PEPD: variants seen among roughly 807,000 people sequenced by gnomAD.
PEPD encodes the protein xaa-Pro dipeptidase.
A neutral mutation model predicts 60.7 loss-of-function variants in PEPD; 53 were observed. That is an observed-to-expected ratio of 0.87 (90% CI 0.70 to 1.10). The LOEUF is 1.10. PEPD is among the 50% of genes least tolerant of loss of function. The pLI, the probability that PEPD is intolerant of heterozygous loss-of-function variation, is 0.00. For synonymous variants in PEPD, 267 were observed against 284.1 expected (o/e 0.94, Z 0.60); for missense variants, 711 against 711.9 (o/e 1.00, Z 0.01).
intron 3 of PEPD, among the ~76,000 whole-genome samples, chr19:33,509,844 G>A (rs563148805): frequency 2.6e-5 from 4 of 152,354 alleles, no homozygotes; most frequent in South Asian, 2.1e-4. Flanking sequence ...GCTCCTCGGC[G>A]GTGGGGAGTA....
chr19:33,420,165 G>A (rs778216657), intron 9 of PEPD, among the ~76,000 whole-genome samples: 1 of 151,710 alleles, frequency 6.6e-6, no homozygotes, highest in East Asian at 1.9e-4. Flanking sequence ...GGAGTTCCTC[G>A]GATCAGTTAC....
chr19:33,398,906 T>C (rs1366841113), intron 12 of PEPD, among the ~76,000 whole-genome samples: 1 of 152,192 alleles, frequency 6.6e-6, no homozygotes, highest in African/African-American at 2.4e-5. Context: ...CCGCTGGCCA[T>C]ACCCTCTGGC....
intron 7 of PEPD, among the ~76,000 whole-genome samples, chr19:33,469,496 C>G: frequency 6.6e-6 from 1 of 152,170 alleles, no homozygotes; most frequent in East Asian, 1.9e-4. Context: ...CTTCTTGGAG[C>G]GCGCAGCAGC....
chr19:33,450,657 C>T (rs186183619), intron 9 of PEPD, among the ~76,000 whole-genome samples: 194 of 152,192 alleles, frequency 1.3e-3, no homozygotes, highest in Non-Finnish European at 1.9e-3. Flanking sequence ...ACAGTGCTCA[C>T]TAAATAACCG....
intron 9 of PEPD, among the ~76,000 whole-genome samples, chr19:33,442,994 G>T (rs548856113): frequency 6.6e-6 from 1 of 152,134 alleles, no homozygotes; most frequent in African/African-American, 2.4e-5. Flanking sequence ...CACACAGTAG[G>T]TGCATCATAA....
rs754202710 is a variant in PEPD at position 33,500,998 on chromosome 19, G to T, written c.333C>A (p.Ile111=). 5.0e-6 allele frequency: 8 copies of T among 1,586,696 alleles called. No individual in the cohort carries two copies. The highest frequency in any genetic ancestry group is 6.1e-6 in the Non-Finnish European group (7 of 1,155,172). The change falls in exon 4 of 15, where the codon ATC becomes ATA. Residue 111 remains isoleucine, a synonymous_variant. Transcript: ENST00000244137. ...TCTCCTTGAAGTGCTCCTTGGAATG[G>T]ATCCTCAAAGAAAAGCACAAGGAAT... is the stretch of plus-strand genomic sequence containing the variant. The part of the protein sequence containing the change: ...PASHATWMGK[I]HSKEHFKEKY...
At chr19:33,408,395 CGA>C (rs1555754217) in intron 11 of PEPD, among the ~76,000 whole-genome samples, 1 of 152,252 alleles carries the variant, frequency 6.6e-6, no homozygotes, top group Non-Finnish European at 1.5e-5. Flanking sequence ...GTGGCCACTG[CGA>C]GAGAGGGAGG....
intron 6 of PEPD, among the ~76,000 whole-genome samples, chr19:33,485,720 A>G (rs1472028097): frequency 6.6e-6 from 1 of 152,216 alleles, no homozygotes; most frequent in Non-Finnish European, 1.5e-5. Context: ...GCTTGCTTAA[A>G]TGGAATCAAT....
chr19:33,463,143 A>G (rs1969960571), intron 8 of PEPD, 102 bp from the exon 9 acceptor site: 1 of 803,974 alleles, frequency 1.2e-6, no homozygotes, highest in East Asian at 2.4e-5. Flanking sequence ...TCTTCTTTAA[A>G]AAGGAAAAAA....
In PEPD at chr19:33,505,824, T is replaced by C. The variant is rs904247678; in HGVS notation, c.330-4823A>G. ...CCCTCATCACAAACACCCTACACACTACACACACCCACACACAACACAGCA... is the reference window on the plus strand; with the variant it reads ...CCCTCATCACAAACACCCTACACACCACACACACCCACACACAACACAGCA... On this transcript the variant is annotated intron_variant, in intron 3 of 14. Coordinates refer to ENST00000244137, the MANE Select transcript of PEPD (RefSeq NM_000285.4). 2.0e-3 allele frequency among the ~76,000 whole-genome samples: 157 copies of C among 79,556 alleles called. 1 individual carries two copies. Among genetic ancestry groups the C allele is most frequent in the South Asian group, 2.6e-3 (5 of 1,910 alleles). 52.2% of individuals were successfully genotyped at this position (79,556 alleles called of 152,430 possible).
intron 7 of PEPD, among the ~76,000 whole-genome samples, chr19:33,469,766 G>T (rs1970089212): frequency 6.6e-6 from 1 of 151,980 alleles, no homozygotes; most frequent in Non-Finnish European, 1.5e-5. Flanking sequence ...TGCCTGCCAG[G>T]CCCTAACCGT....
Position 33,387,944 on chromosome 19 carries a change from G to C in PEPD, c.1290C>G (p.Ala430=), listed in dbSNP as rs1968116750. 1.3e-6 allele frequency: 2 copies of C among 1,597,552 alleles called. No individual in the cohort carries two copies. Among genetic ancestry groups the C allele is most frequent in the Admixed American group, 1.7e-5 (1 of 57,734 alleles). Residue 430 remains alanine, a synonymous_variant, in exon 14 of 15, where the codon GCC becomes GCG. Transcript: ENST00000244137. ...CCTCGCGGTTAAGGAAGGAGGCGCG[G>C]GCCGGGTCCGCCAGGGCCTCATCCA... The part of the protein sequence containing the change: ...HLLDEALADP[A]RASFLNREVL...
chr19:33,422,963 ACT>A (rs760096120), intron 9 of PEPD, among the ~76,000 whole-genome samples: 2 of 151,328 alleles, frequency 1.3e-5, no homozygotes, highest in African/African-American at 2.4e-5. Flanking sequence ...CTCATCCAAT[ACT>A]CTGTCAATTA....
intron 9 of PEPD, among the ~76,000 whole-genome samples, chr19:33,435,181 G>A (rs569094772): frequency 2.2e-4 from 33 of 152,294 alleles, no homozygotes; most frequent in South Asian, 1.0e-3. Flanking sequence ...GCGGCTGCCC[G>A]AAAGCCACCA....
In PEPD at chr19:33,391,318, G is replaced by T. The variant is rs759492742; in HGVS notation, c.1129C>A (p.His377Asn). ...GLGHFLGIDVHDVGGYPEGVE... is the reference protein window; with the variant it reads ...GLGHFLGIDVNDVGGYPEGVE... ...ACCTCTGGGTAGCCTCCCACGTCGT[G>T]CACGTCAATGCCCAGGAAGTGGCCA... The change falls in exon 13 of 15, where the codon CAC becomes AAC. Residue 377 changes from histidine to asparagine, a missense_variant. His to Asn is a moderately conservative substitution (Grantham distance 68). Coordinates refer to ENST00000244137, the MANE Select transcript of PEPD (RefSeq NM_000285.4). The T allele has an allele frequency of 1.2e-6, 2 of 1,611,826 alleles. No homozygotes were observed. The highest frequency in any genetic ancestry group is 1.1e-5 in the South Asian group (1 of 90,760).
intron 7 of PEPD, chr19:33,477,380 G>A (rs1970235701): frequency 6.3e-6 from 1 of 159,334 alleles, no homozygotes; most frequent in Non-Finnish European, 1.4e-5. Context: ...AAGTGATGAT[G>A]TGGCAAAGGC....
chr19:33,432,926 C>T (rs1028297336), intron 9 of PEPD, among the ~76,000 whole-genome samples: 2 of 152,244 alleles, frequency 1.3e-5, no homozygotes, highest in South Asian at 2.1e-4. Context: ...AGAGGCACCT[C>T]GGCCTCCTCG....
chr19:33,442,980 C>G (rs1215641962), intron 9 of PEPD, among the ~76,000 whole-genome samples: 1 of 152,210 alleles, frequency 6.6e-6, no homozygotes, highest in Non-Finnish European at 1.5e-5. Context: ...AGAACAGCAT[C>G]TGGCACACAG....
At chr19:33,490,896 C>G (rs766543456) in intron 5 of PEPD, among the ~76,000 whole-genome samples, 2 of 152,016 alleles carry the variant, frequency 1.3e-5, no homozygotes, top group Non-Finnish European at 2.9e-5. Flanking sequence ...CTCTTGACCT[C>G]AAGTGATCCG....
Sources: gnomAD v4.1 joint callset for allele counts (sites outside exome capture counted in the v4.1 genomes callset) on GRCh38, gnomAD v4.1.1 for gene constraint, MANE v1.5 for transcripts, NCBI Gene and HGNC (gene_info 2026-07-23, HGNC 2026-07-21) for gene names.